Variants in SPAG16 observed in about 807,000 individuals in gnomAD.
The protein encoded by SPAG16 is sperm associated antigen 16, also known as sperm-associated antigen 16 protein.
A neutral mutation model predicts 80.4 loss-of-function variants in SPAG16; 86 were observed. The ratio of observed to expected loss-of-function variants is 1.07; its 90% CI spans 0.90 to 1.28. The LOEUF (loss-of-function observed/expected upper bound fraction) is 1.28. Ranked by LOEUF, SPAG16 falls within the 50% of genes most tolerant of loss-of-function variation. SPAG16 has a pLI of 0.00. For missense variants in SPAG16, 870 were observed against 765.3 expected, an observed-to-expected ratio of 1.14 and a Z score of -1.61; for synonymous variants, 294 against 265.9, an observed-to-expected ratio of 1.11 and a Z score of -1.03.
At chr2:213,741,023 G>A (rs1010056562) in intron 10 of SPAG16, among the ~76,000 whole-genome samples, 3 of 152,138 alleles carry the variant, frequency 2.0e-5, no homozygotes, top group Non-Finnish European at 4.4e-5. Flanking sequence ...AAAACAGCAG[G>A]TGCTGAGCAT....
At chr2:213,862,772 T>C in intron 11 of SPAG16, 144 bp downstream of exon 11, 2 of 889,490 alleles carry the variant, frequency 2.2e-6, no homozygotes, top group Admixed American at 2.8e-5. Flanking sequence ...TATAGACAAA[T>C]TCCCCTTTGG....
At chr2:213,909,561 G>A (rs1189022328) in intron 11 of SPAG16, among the ~76,000 whole-genome samples, 1 of 151,886 alleles carries the variant, frequency 6.6e-6, no homozygotes, top group African/African-American at 2.4e-5. Flanking sequence ...AGAGCCCTCA[G>A]AAATAACGCC....
intron 10 of SPAG16, among the ~76,000 whole-genome samples, chr2:213,558,846 A>AT (rs966847532): frequency 2.6e-5 from 4 of 152,036 alleles, no homozygotes; most frequent in African/African-American, 9.7e-5. Flanking sequence ...GTTTTATATT[A>AT]TTTACTTTTT....
chr2:213,650,629 A>C (rs1267020068), intron 10 of SPAG16, among the ~76,000 whole-genome samples: 1 of 152,194 alleles, frequency 6.6e-6, no homozygotes. Flanking sequence ...TTGTAGTCTT[A>C]ATTTCTGCAA....
At chr2:213,659,992 A>T (rs1257919272) in intron 10 of SPAG16, among the ~76,000 whole-genome samples, 2 of 151,988 alleles carry the variant, frequency 1.3e-5, no homozygotes, top group African/African-American at 4.8e-5. Flanking sequence ...TTTTTTTAAG[A>T]TGACTGGCCC....
intron 15 of SPAG16, among the ~76,000 whole-genome samples, chr2:214,353,043 G>A (rs73087101): frequency 0.015 from 2,267 of 151,972 alleles, 55 homozygotes; most frequent in African/African-American, 0.051. Context: ...TGTGTAACTT[G>A]CTGCCCTTTC....
intron 15 of SPAG16, among the ~76,000 whole-genome samples, chr2:214,347,496 A>G (rs1261740027): frequency 6.6e-6 from 1 of 152,186 alleles, no homozygotes. Context: ...GAATCCAGGT[A>G]GGGCTGAAAG....
intron 9 of SPAG16, among the ~76,000 whole-genome samples, chr2:213,467,870 C>A (rs2072789050): frequency 6.6e-6 from 1 of 152,168 alleles, no homozygotes; most frequent in Non-Finnish European, 1.5e-5. Context: ...CCCTGGCTTG[C>A]CACATTTGTA....
intron 9 of SPAG16, among the ~76,000 whole-genome samples, chr2:213,459,328 T>C (rs2072225345): frequency 6.6e-6 from 1 of 152,202 alleles, no homozygotes; most frequent in African/African-American, 2.4e-5. Flanking sequence ...CAAGACATTA[T>C]TTTCCTAAGA....
intron 10 of SPAG16, among the ~76,000 whole-genome samples, chr2:213,582,342 G>A (rs954766244): frequency 6.6e-6 from 1 of 152,026 alleles, no homozygotes; most frequent in Non-Finnish European, 1.5e-5. Flanking sequence ...GCCAGGTGTG[G>A]TAAGGAATAA....
At chr2:213,837,821 G>C (rs1272011386) in intron 10 of SPAG16, among the ~76,000 whole-genome samples, 10 of 152,180 alleles carry the variant, frequency 6.6e-5, no homozygotes, top group Non-Finnish European at 8.8e-5. Context: ...GAAAGAGAGA[G>C]GTAGACGAGT....
In SPAG16 at chr2:213,755,696, T is replaced by C. The variant is rs116240981; in HGVS notation, c.1071-106789T>C. Among the ~76,000 whole-genome samples the C allele has an allele frequency of 1.5e-3, 224 of 152,224 alleles. 2 individuals carry two copies. Among genetic ancestry groups the C allele is most frequent in the African/African-American group, 5.1e-3 (213 of 41,558 alleles). The stretch of plus-strand genomic sequence containing the variant: ...TAGAAAGTTAAAAAGCAAACAGAAA[T>C]TTCAAGCTGATGATAATGATGACTG... On this transcript the variant is annotated intron_variant, in intron 10 of 15. Transcript: ENST00000331683.
intron 15 of SPAG16, among the ~76,000 whole-genome samples, chr2:214,298,902 C>T (rs903794208): frequency 6.6e-6 from 1 of 152,086 alleles, no homozygotes; most frequent in Non-Finnish European, 1.5e-5. Flanking sequence ...GGTAGTAACT[C>T]TAAATATTTG....
intron 9 of SPAG16, among the ~76,000 whole-genome samples, chr2:213,398,505 AG>A (rs901000467): frequency 4.7e-4 from 71 of 152,310 alleles, no homozygotes; most frequent in African/African-American, 1.7e-3. Context: ...AGAACACTGT[AG>A]GTATGCCCCA....
chr2:214,127,951 G>A (rs1317844594), intron 14 of SPAG16, among the ~76,000 whole-genome samples: 1 of 151,908 alleles, frequency 6.6e-6, no homozygotes, highest in Admixed American at 6.7e-5. Context: ...AGAAAAAAGG[G>A]TGGGTTAGAG....
intron 9 of SPAG16, among the ~76,000 whole-genome samples, chr2:213,410,578 TG>T (rs1407393391): frequency 6.6e-6 from 1 of 152,210 alleles, no homozygotes; most frequent in Non-Finnish European, 1.5e-5. Context: ...AACTGGTTTT[TG>T]TAATTTCCTA....
intron 13 of SPAG16, among the ~76,000 whole-genome samples, chr2:214,107,424 C>G (rs1339705327): frequency 1.3e-5 from 2 of 152,206 alleles, no homozygotes; most frequent in African/African-American, 4.8e-5. Flanking sequence ...ATGACTTTCC[C>G]TTGTTCTACA....
intron 5 of SPAG16, among the ~76,000 whole-genome samples, chr2:213,320,798 T>A (rs1009910331): frequency 6.6e-6 from 1 of 152,094 alleles, no homozygotes; most frequent in African/African-American, 2.4e-5. Flanking sequence ...TGTGCCACAT[T>A]TGATTTATTT....
intron 15 of SPAG16, among the ~76,000 whole-genome samples, chr2:214,248,287 ATATTATTATTAT>A (rs71975870): frequency 0.032 from 4,396 of 138,484 alleles, 77 homozygotes; most frequent in East Asian, 0.061. Flanking sequence ...TACTATTCTT[ATATTATTATTAT>A]TATTATTATT....
Sources: allele counts gnomAD v4.1 joint callset (sites outside exome capture counted in the v4.1 genomes callset), GRCh38; gene constraint gnomAD v4.1.1; transcripts MANE v1.5; gene names NCBI Gene and HGNC (gene_info 2026-07-23, HGNC 2026-07-21).